The following PROS1 variants were observed in gnomAD, a reference collection of about 807,000 sequenced individuals.
The protein encoded by PROS1 is vitamin K-dependent protein S.
A neutral mutation model predicts 75.9 loss-of-function variants in PROS1; 29 were observed. The observed-to-expected ratio is 0.38, with a 90% CI of 0.28 to 0.52. PROS1 has a LOEUF of 0.52. Ranked by LOEUF, PROS1 falls within the 20% of genes least tolerant of loss-of-function variation. The pLI, the probability that PROS1 is intolerant of heterozygous loss-of-function variation, is 0.83. For synonymous variants in PROS1, 245 were observed against 280.6 expected (o/e 0.87, Z 1.27); for missense variants, 680 against 810.3 (o/e 0.84, Z 1.95).
intron 1 of PROS1, among the ~76,000 whole-genome samples, chr3:93,971,627 CCACACACACACA>C (rs748664337): frequency 1.4e-4 from 18 of 124,454 alleles, no homozygotes; most frequent in East Asian, 5.1e-4. Context: ...AAAATAAAAA[CCACACACACACA>C]CACACACACA....
chr3:93,951,158 G>A (rs917798656), intron 1 of PROS1, among the ~76,000 whole-genome samples: 1 of 152,078 alleles, frequency 6.6e-6, no homozygotes, highest in Non-Finnish European at 1.5e-5. Flanking sequence ...GCAACCAAGT[G>A]GGAAAACATT....
intron 1 of PROS1, among the ~76,000 whole-genome samples, chr3:93,964,600 C>T (rs746021735): frequency 4.6e-5 from 7 of 152,288 alleles, no homozygotes; most frequent in South Asian, 2.1e-4. Flanking sequence ...ATGTGCACCA[C>T]GGAACAAAGA....
chr3:93,895,921 G>A (rs374927775), intron 9 of PROS1, among the ~76,000 whole-genome samples: 2 of 152,036 alleles, frequency 1.3e-5, no homozygotes, highest in Non-Finnish European at 2.9e-5. Flanking sequence ...CCGAGATTGC[G>A]CCACTGCACT....
rs574932482 is a variant in PROS1, at chr3:93,963,888, G to A, written c.76+9786C>T. On this transcript the variant is annotated intron_variant, in intron 1 of 14. Transcript: ENST00000394236. Reference sequence around the variant, plus strand: ...GGTGCCTTCCCTCCCCTCCCCTTCCGTTCCCTTTCCTTTTCTTTCTTTTCT... The same window carrying A: ...GGTGCCTTCCCTCCCCTCCCCTTCCATTCCCTTTCCTTTTCTTTCTTTTCT... Among the ~76,000 whole-genome samples the A allele has an allele frequency of 9.9e-5, 15 of 152,118 alleles. No individual in the cohort carries two copies. In the East Asian group the frequency reaches 1.5e-3, roughly 16 times the overall value.
chr3:93,915,934 C>T (rs1259217593), intron 3 of PROS1, among the ~76,000 whole-genome samples: 1 of 152,108 alleles, frequency 6.6e-6, no homozygotes, highest in Non-Finnish European at 1.5e-5. Context: ...TAGCAGCAAC[C>T]CAATGTCTGG....
At chr3:93,961,775 G>C (rs192528566) in intron 1 of PROS1, among the ~76,000 whole-genome samples, 3 of 152,240 alleles carry the variant, frequency 2.0e-5, no homozygotes, top group Non-Finnish European at 4.4e-5. Flanking sequence ...AGGGCTGCCA[G>C]CTTCCGTTCT....
At chr3:93,903,149 T>C (rs1422135376) in intron 6 of PROS1, among the ~76,000 whole-genome samples, 1 of 152,144 alleles carries the variant, frequency 6.6e-6, no homozygotes, top group Admixed American at 6.5e-5. Context: ...ATTACAAGCA[T>C]GAGCCACAGT....
intron 1 of PROS1, among the ~76,000 whole-genome samples, chr3:93,944,019 T>C (rs1709338371): frequency 6.6e-6 from 1 of 152,232 alleles, no homozygotes; most frequent in Non-Finnish European, 1.5e-5. Context: ...TAAAAAGCTT[T>C]ATTGCTCACA....
At chr3:93,959,183 C>A (rs1415196723) in intron 1 of PROS1, among the ~76,000 whole-genome samples, 1 of 152,018 alleles carries the variant, frequency 6.6e-6, no homozygotes, top group Non-Finnish European at 1.5e-5. Flanking sequence ...GGCATGGTAG[C>A]TCAAGCCTGT....
chr3:93,904,648 G>C (rs1247324313), intron 6 of PROS1, among the ~76,000 whole-genome samples: 3 of 151,822 alleles, frequency 2.0e-5, no homozygotes, highest in Non-Finnish European at 2.9e-5. Context: ...CAAACAAAAA[G>C]TACTGGAGGA....
At chr3:93,950,898 G>A (rs1709484734) in intron 1 of PROS1, among the ~76,000 whole-genome samples, 1 of 152,148 alleles carries the variant, frequency 6.6e-6, no homozygotes, top group South Asian at 2.1e-4. Context: ...CCAAGTTAAA[G>A]GAGGATGTGC....
chr3:93,965,034 C>T (rs1454226594), intron 1 of PROS1, among the ~76,000 whole-genome samples: 5 of 152,044 alleles, frequency 3.3e-5, no homozygotes, highest in Non-Finnish European at 5.9e-5. Flanking sequence ...CACTAAAATG[C>T]GAATTAGGCA....
chr3:93,936,781 G>A (rs992262362), intron 1 of PROS1, among the ~76,000 whole-genome samples: 2 of 152,142 alleles, frequency 1.3e-5, no homozygotes, highest in Non-Finnish European at 2.9e-5. Flanking sequence ...CTCTGTAAAG[G>A]CATACAAAGT....
intron 1 of PROS1, among the ~76,000 whole-genome samples, chr3:93,945,903 G>C (rs527245833): frequency 6.6e-6 from 1 of 152,154 alleles, no homozygotes; most frequent in Non-Finnish European, 1.5e-5. Flanking sequence ...TGTATATTTA[G>C]AAAACTCCCT....
At chr3:93,889,806 G>C (rs1314843886) in intron 10 of PROS1, among the ~76,000 whole-genome samples, 1 of 152,098 alleles carries the variant, frequency 6.6e-6, no homozygotes, top group Non-Finnish European at 1.5e-5. Flanking sequence ...GATCACAACT[G>C]TGTTAACTGT....
chr3:93,877,898 A>AT (rs565996004), intron 13 of PROS1, among the ~76,000 whole-genome samples: 1 of 152,226 alleles, frequency 6.6e-6, no homozygotes, highest in Non-Finnish European at 1.5e-5. Context: ...CAAGATACCT[A>AT]TTTTAAGTGA....
intron 1 of PROS1, among the ~76,000 whole-genome samples, chr3:93,935,402 G>T (rs760563156): frequency 2.6e-4 from 39 of 152,260 alleles, no homozygotes; most frequent in Non-Finnish European, 4.7e-4. Flanking sequence ...TTACTGCACA[G>T]AAAATGTTTT....
chr3:93,964,320 G>A (rs959436081), intron 1 of PROS1, among the ~76,000 whole-genome samples: 2 of 152,168 alleles, frequency 1.3e-5, no homozygotes, highest in Non-Finnish European at 2.9e-5. Context: ...GCAAGTAGGA[G>A]AACATTGCTA....
At chr3:93,964,522 T>C (rs2107265345) in intron 1 of PROS1, among the ~76,000 whole-genome samples, 1 of 152,258 alleles carries the variant, frequency 6.6e-6, no homozygotes, top group South Asian at 2.1e-4. Flanking sequence ...CCTGGTAAAT[T>C]TGAGGTCAGA....
Sources: gnomAD v4.1 joint callset for allele counts (sites outside exome capture counted in the v4.1 genomes callset) on GRCh38, gnomAD v4.1.1 for gene constraint, MANE v1.5 for transcripts, NCBI Gene and HGNC (gene_info 2026-07-23, HGNC 2026-07-21) for gene names.